The following PDXDC1 variants were observed in gnomAD, a reference collection of about 807,000 sequenced individuals.
PDXDC1 encodes the protein pyridoxal dependent decarboxylase domain containing 1.
In PDXDC1, 42 loss-of-function variants were observed where a neutral mutation model predicts 100.1. That is an observed-to-expected ratio of 0.42 (90% CI 0.33 to 0.54). The LOEUF is 0.54. PDXDC1 is among the 20% of genes least tolerant of loss of function. PDXDC1 has a pLI of 0.10. For synonymous variants in PDXDC1, 260 were observed against 371.7 expected, an observed-to-expected ratio of 0.70 and a Z score of 3.46; for missense variants, 636 against 979.2, an observed-to-expected ratio of 0.65 and a Z score of 4.68.
chr16:15,008,652 A>G (rs2041000974), intron 6 of PDXDC1, 127 bp from the exon 7 acceptor site: 1 of 782,216 alleles, frequency 1.3e-6, no homozygotes, highest in South Asian at 2.1e-5. Context: ...TTATAATATT[A>G]AGAGTTCCTA....
At chr16:15,028,685 T>C (rs1475792940) in intron 14 of PDXDC1, among the ~76,000 whole-genome samples, 193 bp from the exon 15 acceptor site, 14 of 152,414 alleles carry the variant, frequency 9.2e-5, no homozygotes, top group Non-Finnish European at 2.1e-4. Context: ...CTTATGTGAA[T>C]GTATTCAAGT....
At chr16:15,111,418 T>C (rs1173171645) in intron 16 of PDXDC1, among the ~76,000 whole-genome samples, 2 of 137,556 alleles carry the variant, frequency 1.5e-5, no homozygotes, top group East Asian at 2.1e-4. Flanking sequence ...ATTGTGCCAT[T>C]GCACTCCAAC....
chr16:15,095,864 GTGT>G (rs1400361176), intron 16 of PDXDC1, among the ~76,000 whole-genome samples: 1 of 116,180 alleles, frequency 8.6e-6, no homozygotes, highest in African/African-American at 3.9e-5. Context: ...AAAAAAAGGT[GTGT>G]GTGTGTGTGT....
At chr16:15,065,296 G>A (rs773259277) in intron 16 of PDXDC1, 63 of 1,613,654 alleles carry the variant, frequency 3.9e-5, no homozygotes, top group African/African-American at 2.0e-4. Context: ...CTCCTCCAGC[G>A]GTACTCCTAA....
At chr16:15,074,680 G>C in intron 16 of PDXDC1, 1 of 1,514,848 alleles carries the variant, frequency 6.6e-7, no homozygotes, top group African/African-American at 1.4e-5. Flanking sequence ...ACAAAGCCAG[G>C]TACACTGCAG....
At chr16:15,132,021 G>GA (rs1256857606) in intron 16 of PDXDC1, among the ~76,000 whole-genome samples, 15 of 6,310 alleles carry the variant, frequency 2.4e-3, no homozygotes, top group East Asian at 4.9e-3. Flanking sequence ...GGGATAAGGG[G>GA]ATAAGGGAGG....
In PDXDC1 at chr16:15,038,084, A is replaced by AGAGT; in HGVS notation, c.*1810_*1813dup. On this transcript the variant is annotated 3_prime_UTR_variant, in exon 23 of 23. Coordinates refer to ENST00000396410, the MANE Select transcript of PDXDC1 (RefSeq NM_015027.4). ...CACAAGCCATCTTCATTTTTTTTGT[A>AGAGT]GAGTAGGGCTTTATTTCCAGAAAAC... 6.2e-7 allele frequency: 1 copy of AGAGT among 1,612,226 alleles called. No homozygotes were observed. Among genetic ancestry groups the AGAGT allele is most frequent in the Non-Finnish European group, 8.5e-7 (1 of 1,179,046 alleles).
chr16:15,070,428 G>A (rs1380832760), intron 16 of PDXDC1, among the ~76,000 whole-genome samples: 4 of 151,686 alleles, frequency 2.6e-5, no homozygotes, highest in African/African-American at 4.8e-5. Context: ...GGATGGGTGC[G>A]TAGGAAGACA....
the PDXDC1 span, among the ~76,000 whole-genome samples, chr16:15,150,369 A>C: frequency 6.7e-6 from 1 of 150,282 alleles, no homozygotes; most frequent in African/African-American, 2.4e-5. Flanking sequence ...AAATAAATAA[A>C]TAAATAAATA....
At chr16:15,006,736 T>C (rs1215661217) in intron 6 of PDXDC1, among the ~76,000 whole-genome samples, 153 bp downstream of exon 6, 1 of 152,300 alleles carries the variant, frequency 6.6e-6, no homozygotes, top group Admixed American at 6.5e-5. Flanking sequence ...AATTACTGAA[T>C]TTAGAAATAA....
intron 12 of PDXDC1, among the ~76,000 whole-genome samples, chr16:15,021,812 C>T (rs943617583): frequency 8.5e-5 from 13 of 152,280 alleles, no homozygotes; most frequent in Admixed American, 6.5e-4. Context: ...AATCAGCATT[C>T]GCCTCCTCAT....
chr16:15,039,416 A>C (rs575424326), downstream of PDXDC1, among the ~76,000 whole-genome samples: 35 of 152,370 alleles, frequency 2.3e-4, no homozygotes, highest in African/African-American at 7.9e-4. Flanking sequence ...GCATTTTTAA[A>C]GAATTCTTTC....
At position 15,012,574 on chromosome 16, in the gene PDXDC1, G is replaced by A. The variant is rs2041406949; in HGVS notation, c.727+2815G>A. On this transcript the variant is annotated intron_variant, in intron 8 of 22. Transcript: ENST00000396410. ...GTCTGTTAGAATGGAGAAATTACAGGTGGCTCACACTTGTAATCCCAACAC... is the reference window on the plus strand; with the variant it reads ...GTCTGTTAGAATGGAGAAATTACAGATGGCTCACACTTGTAATCCCAACAC... Among the ~76,000 whole-genome samples the A allele has an allele frequency of 3.3e-5, 5 of 152,290 alleles. No homozygotes were observed. The South Asian group carries it at 1.0e-3, about 31-fold the overall frequency.
At chr16:15,076,736 G>C (rs944306568) in intron 16 of PDXDC1, 26 of 911,330 alleles carry the variant, frequency 2.9e-5, no homozygotes, top group Admixed American at 9.8e-5. Context: ...TCTGATATAC[G>C]CATGTTCAAG....
At chr16:15,012,304 C>T (rs1168333768) in intron 8 of PDXDC1, among the ~76,000 whole-genome samples, 3 of 152,188 alleles carry the variant, frequency 2.0e-5, no homozygotes, top group East Asian at 1.9e-4. Context: ...GGAGTTTCAC[C>T]GTGTTGGCCA....
At chr16:15,129,283 G>A (rs1456478564) in intron 16 of PDXDC1, among the ~76,000 whole-genome samples, 1 of 150,750 alleles carries the variant, frequency 6.6e-6, no homozygotes, top group East Asian at 2.1e-4. Context: ...CTGACACGGT[G>A]AAAAATTAAC....
At chr16:15,130,112 C>G in intron 16 of PDXDC1, 1 of 1,362,178 alleles carries the variant, frequency 7.3e-7, no homozygotes, top group African/African-American at 1.4e-5. Context: ...CAGGAGGTCA[C>G]GTGCAAGCTG....
At chr16:15,039,267 C>CTCCTTGAGAAGTCCTAA (rs1338849310), downstream of PDXDC1, among the ~76,000 whole-genome samples, 1 of 152,186 alleles carries the variant, frequency 6.6e-6, no homozygotes, top group East Asian at 1.9e-4. Context: ...GCCTGTTACA[C>CTCCTTGAGAAGTCCTAA]TCCTTGAGAA....
At chr16:15,019,851 G>A (rs1207170143) in intron 12 of PDXDC1, among the ~76,000 whole-genome samples, 5 of 152,276 alleles carry the variant, frequency 3.3e-5, no homozygotes, top group African/African-American at 4.8e-5. Flanking sequence ...GGTGGCTCAC[G>A]CCTGTAATTC....
Sources: gnomAD v4.1 joint callset for allele counts (sites outside exome capture counted in the v4.1 genomes callset) on GRCh38, gnomAD v4.1.1 for gene constraint, MANE v1.5 for transcripts, NCBI Gene and HGNC (gene_info 2026-07-23, HGNC 2026-07-21) for gene names.